ABR: variants seen among roughly 807,000 people sequenced by gnomAD.
ABR encodes the protein active breakpoint cluster region-related protein.
A neutral mutation model predicts 107.2 loss-of-function variants in ABR; 35 were observed. That is an observed-to-expected ratio of 0.33 (90% CI 0.25 to 0.43). ABR has a LOEUF of 0.43. ABR is among the 20% of genes least tolerant of loss of function. ABR has a pLI of 1.00. For synonymous variants in ABR, 498 were observed against 462.0 expected (o/e 1.08, Z -1.00); for missense variants, 815 against 1,115.2 (o/e 0.73, Z 3.83).
chr17:1,062,953 G>C (rs1161639271), intron 10 of ABR, among the ~76,000 whole-genome samples: 9 of 143,344 alleles, frequency 6.3e-5, no homozygotes, highest in Admixed American at 7.1e-5. Flanking sequence ...TGTTCCTCTA[G>C]ATGCTGCTGT....
chr17:1,070,180 G>GA lies in ABR; in HGVS notation c.895-91dup. ...CACGGGGGCACGGCCAGCCAGGGAGGACTGGACCGAGAGGCGGCATAGCCT... is the reference window on the plus strand; with the variant it reads ...CACGGGGGCACGGCCAGCCAGGGAGGAACTGGACCGAGAGGCGGCATAGCCT... On this transcript the variant is annotated intron_variant, in intron 8 of 22. Coordinates refer to ENST00000302538, the MANE Select transcript of ABR (RefSeq NM_021962.5). The surrounding 1 kb of genome is among the most constrained non-coding windows in gnomAD (Gnocchi z 4.2). 1 of 1,547,128 alleles carries GA rather than the reference G, an allele frequency of 6.5e-7. No homozygotes were observed. Among genetic ancestry groups the GA allele is most frequent in the Non-Finnish European group, 8.8e-7 (1 of 1,136,580 alleles).
intron 6 of ABR, among the ~76,000 whole-genome samples, chr17:1,076,727 G>GGGGGC (rs1884567085): frequency 2.4e-5 from 3 of 122,964 alleles, no homozygotes; most frequent in African/African-American, 1.2e-4. Flanking sequence ...GGGGGGTGGG[G>GGGGGC]GTGGGGGGGG....
In ABR at chr17:1,199,259, G is replaced by T. The variant is rs78552094; in HGVS notation, c.838+29534C>A. On this transcript the variant is annotated intron_variant, in intron 1 of 22. Coordinates refer to the ABR transcript ENST00000574139. ...GGGGAAACAGAGGCAGTGAGCCAGGGCCCGGCTAGGAAGATCACCCGGGCT... is the reference window on the plus strand; with the variant it reads ...GGGGAAACAGAGGCAGTGAGCCAGGTCCCGGCTAGGAAGATCACCCGGGCT... 3.8e-3 allele frequency among the ~76,000 whole-genome samples: 569 copies of T among 150,930 alleles called. 16 individuals are homozygous for T. Among genetic ancestry groups the T allele is most frequent in the African/African-American group, 0.013 (547 of 40,566 alleles).
chr17:1,227,304 C>G (rs568970443), intron 1 of ABR, among the ~76,000 whole-genome samples: 1 of 152,234 alleles, frequency 6.6e-6, no homozygotes, highest in South Asian at 2.1e-4. Flanking sequence ...AGATGTGGGT[C>G]TGGGGGGAGA....
intron 1 of ABR, among the ~76,000 whole-genome samples, chr17:1,204,840 A>G (rs1217184775): frequency 6.6e-6 from 1 of 151,056 alleles, no homozygotes; most frequent in African/African-American, 2.4e-5. Flanking sequence ...TGATGCTTGC[A>G]CAACAGTGAA....
chr17:1,054,677 T>C (rs76869247), intron 14 of ABR, among the ~76,000 whole-genome samples: 3 of 40,522 alleles, frequency 7.4e-5, no homozygotes, highest in African/African-American at 3.8e-4. Context: ...CCTGAGGGGA[T>C]GGGGGCACAA....
chr17:1,058,109 T>G, intron 11 of ABR, 64 bp from the exon 12 acceptor site: 7 of 1,059,574 alleles, frequency 6.6e-6, no homozygotes, highest in Non-Finnish European at 8.6e-6. Context: ...TCCCAGATCC[T>G]GGGGACCCCA....
At position 1,050,450 on chromosome 17, in the gene ABR, C is replaced by T; in HGVS notation, c.1659+87G>A. ...AAGGGGGGTGCAGACATAGCTGGTCCAACCAATGGGCTGGCCGTCCCCAGC... is the reference window on the plus strand; with the variant it reads ...AAGGGGGGTGCAGACATAGCTGGTCTAACCAATGGGCTGGCCGTCCCCAGC... On this transcript the variant is annotated intron_variant, in intron 15 of 22. Coordinates refer to ENST00000302538, the MANE Select transcript of ABR (RefSeq NM_021962.5). The surrounding 1 kb of genome is among the most constrained non-coding windows in gnomAD (Gnocchi z 4.6). The T allele has an allele frequency of 1.5e-6, 2 of 1,294,436 alleles. No homozygotes were observed. The highest frequency in any genetic ancestry group is 2.2e-6 in the Non-Finnish European group (2 of 891,874). The allele number at this position is 1,294,436 out of a possible 1,614,324, so 80.2% of individuals were successfully genotyped here.
chr17:1,108,424 C>T (rs1271489374), intron 2 of ABR, among the ~76,000 whole-genome samples: 1 of 152,272 alleles, frequency 6.6e-6, no homozygotes, highest in Non-Finnish European at 1.5e-5. Context: ...GGAAGGGCAC[C>T]TGCCCACCTG....
chr17:1,041,606 G>A (rs1273503319), intron 16 of ABR, among the ~76,000 whole-genome samples: 1 of 152,150 alleles, frequency 6.6e-6, no homozygotes, highest in Non-Finnish European at 1.5e-5. Context: ...GGTGGCGGGC[G>A]CCTTTAATCC....
chr17:1,079,527 G>A (rs2036039636), intron 5 of ABR, 137 bp from the exon 6 acceptor site: 4 of 807,088 alleles, frequency 5.0e-6, no homozygotes, highest in South Asian at 3.1e-5. Flanking sequence ...GGCGGCTCAC[G>A]CCAGTCATCC....
chr17:1,014,330 A>G (rs1458622285), intron 16 of ABR, among the ~76,000 whole-genome samples: 15 of 126,260 alleles, frequency 1.2e-4, no homozygotes, highest in South Asian at 5.8e-4. Flanking sequence ...AGTCCCAGCT[A>G]CTTGGGAGGC....
In ABR at chr17:1,096,756, G is replaced by A. The variant is rs374579258; in HGVS notation, c.345+3881C>T. 3.3e-5 allele frequency among the ~76,000 whole-genome samples: 5 copies of A among 149,500 alleles called. No homozygotes were observed. In the East Asian group the frequency reaches 1.0e-3, roughly 30 times the overall value. Reference sequence around the variant, plus strand: ...CCCCGGGAGGAGAGAGCTGGGGAAGGGGGGAACCTGCCCCGGGTGGAGAGA... The same window carrying A: ...CCCCGGGAGGAGAGAGCTGGGGAAGAGGGGAACCTGCCCCGGGTGGAGAGA... On this transcript the variant is annotated intron_variant, in intron 3 of 22. Coordinates refer to ENST00000302538, the MANE Select transcript of ABR (RefSeq NM_021962.5).
At chr17:1,097,590 C>CA (rs57256346) in intron 3 of ABR, among the ~76,000 whole-genome samples, 52,504 of 104,610 alleles carry the variant, frequency 0.5, 13,279 homozygotes, top group South Asian at 0.66. Context: ...GACTCCGTCT[C>CA]AAAAAAAAAA....
At chr17:1,030,798 G>T (rs766590954) in intron 16 of ABR, among the ~76,000 whole-genome samples, 3 of 152,232 alleles carry the variant, frequency 2.0e-5, no homozygotes, top group African/African-American at 7.2e-5. Context: ...TGATGGATGG[G>T]CCCAGCCCTG....
At chr17:1,115,399 C>T (rs1567783416) in intron 2 of ABR, 1 of 152,384 alleles carries the variant, frequency 6.6e-6, no homozygotes, top group Admixed American at 6.5e-5. Flanking sequence ...CCTGGCTCTC[C>T]CAGCTTTCCT....
chr17:1,111,560 C>A (rs2258352), intron 2 of ABR, among the ~76,000 whole-genome samples: 16 of 152,306 alleles, frequency 1.1e-4, no homozygotes, highest in African/African-American at 3.6e-4. Context: ...AAAGGCCCCC[C>A]CAAACGGTTT....
intron 1 of ABR, among the ~76,000 whole-genome samples, chr17:1,165,099 A>G (rs7207116): frequency 0.3 from 45,614 of 152,190 alleles, 7,080 homozygotes; most frequent in Non-Finnish European, 0.34. Context: ...TCACTAGAGC[A>G]TAAATAACTT....
chr17:1,058,790 G>A lies in ABR; in HGVS notation c.1260C>T (p.Leu420=). Residue 420 remains leucine, a synonymous_variant, in exon 11 of 23, where the codon CTC becomes CTT. Coordinates refer to ENST00000302538, the MANE Select transcript of ABR (RefSeq NM_021962.5). ...TCCTGAACGGGATTGTGGGGGAGTT[G>A]AGCAGCAGCAGGAACTCATTCTCAA... ...KMFENEFLLL[L]NSPTIPFRIH... is the part of the protein sequence containing the mutation. 6.2e-7 allele frequency: 1 copy of A among 1,614,062 alleles called. No homozygotes were observed. Among genetic ancestry groups the A allele is most frequent in the Non-Finnish European group, 8.5e-7 (1 of 1,180,002 alleles).
Sources: gnomAD v4.1 joint callset for allele counts (sites outside exome capture counted in the v4.1 genomes callset) on GRCh38, gnomAD v4.1.1 for gene constraint, Gnocchi (gnomAD v3.1) non-coding constraint, MANE v1.5 for transcripts, NCBI Gene and HGNC (gene_info 2026-07-23, HGNC 2026-07-21) for gene names.